HEMK2: variants seen among roughly 807,000 people sequenced by gnomAD.
HEMK2 encodes the protein methyltransferase HEMK2.
chr21:28,776,614 C>T, the HEMK2 span, among the ~76,000 whole-genome samples: 1 of 152,176 alleles, frequency 6.6e-6, no homozygotes, highest in Non-Finnish European at 1.5e-5. Flanking sequence ...CATCTGCAAG[C>T]TGAGGAGAAG....
At chr21:28,620,660 C>CTTTTTTTTTTTTTTTTTTTTTTTTTT in the HEMK2 span, among the ~76,000 whole-genome samples, 8 of 49,654 alleles carry the variant, frequency 1.6e-4, 2 homozygotes, top group East Asian at 1.5e-3. Context: ...TCTCTCTTTT[C>CTTTTTTTTTTTTTTTTTTTTTTTTTT]TTTTTTTTTT....
the HEMK2 span, among the ~76,000 whole-genome samples, chr21:28,742,358 T>C: frequency 0.23 from 34,799 of 152,160 alleles, 4,618 homozygotes; most frequent in African/African-American, 0.35. Context: ...CTCATCACTT[T>C]GCTGCCATAA....
At chr21:28,586,192 C>T in the HEMK2 span, among the ~76,000 whole-genome samples, 6 of 152,112 alleles carry the variant, frequency 3.9e-5, no homozygotes, top group Non-Finnish European at 2.9e-5. Context: ...CTTAAAAAAA[C>T]TTAAATTAGT....
At chr21:28,575,739 A>G in the HEMK2 span, among the ~76,000 whole-genome samples, 6,776 of 152,232 alleles carry the variant, frequency 0.045, 513 homozygotes, top group African/African-American at 0.15. Context: ...ATTTCCATCA[A>G]CGTAGAGTTT....
chr21:28,748,751 T>C, the HEMK2 span, among the ~76,000 whole-genome samples: 2 of 152,214 alleles, frequency 1.3e-5, no homozygotes, highest in Admixed American at 6.5e-5. Context: ...CATCTTTCCA[T>C]TGTCAGAGAG....
chr21:28,726,487 A>C, the HEMK2 span, among the ~76,000 whole-genome samples: 3 of 152,228 alleles, frequency 2.0e-5, no homozygotes, highest in Non-Finnish European at 4.4e-5. Flanking sequence ...AGCACTGAAA[A>C]GACTTGTCCA....
chr21:28,749,929 A>T, the HEMK2 span, among the ~76,000 whole-genome samples: 29,476 of 152,244 alleles, frequency 0.19, 3,569 homozygotes, highest in African/African-American at 0.34. Context: ...TTGACATGCC[A>T]AAACCACTAG....
the HEMK2 span, among the ~76,000 whole-genome samples, chr21:28,712,219 T>A: frequency 1.3e-5 from 2 of 152,158 alleles, no homozygotes; most frequent in African/African-American, 4.8e-5. Flanking sequence ...ATCTGGTTGA[T>A]AATTCCCCAC....
chr21:28,629,547 G>A, the HEMK2 span, among the ~76,000 whole-genome samples: 1 of 152,350 alleles, frequency 6.6e-6, no homozygotes, highest in South Asian at 2.1e-4. Context: ...AAATATTGGA[G>A]CTATGCAGAG....
At chr21:28,873,937 T>C in the HEMK2 span, 1 of 152,272 alleles carries the variant, frequency 6.6e-6, no homozygotes, top group African/African-American at 2.4e-5. Flanking sequence ...TAATAGCGAA[T>C]GGTGTCCTTC....
At chr21:28,740,887 G>A in the HEMK2 span, among the ~76,000 whole-genome samples, 21 of 152,068 alleles carry the variant, frequency 1.4e-4, no homozygotes, top group Middle Eastern at 3.4e-3. Flanking sequence ...CTATGGATAA[G>A]TATGTTAATA....
chr21:28,781,597 A>C, the HEMK2 span, among the ~76,000 whole-genome samples: 1 of 152,378 alleles, frequency 6.6e-6, no homozygotes, highest in African/African-American at 2.4e-5. Flanking sequence ...TTTTAAGAGA[A>C]ACCAGATACA....
the HEMK2 span, among the ~76,000 whole-genome samples, chr21:28,798,139 G>A: frequency 3.9e-5 from 6 of 152,120 alleles, no homozygotes; most frequent in African/African-American, 1.2e-4. Context: ...AGCAGCAACC[G>A]CTACTTTCAG....
the HEMK2 span, among the ~76,000 whole-genome samples, chr21:28,729,191 T>C: frequency 6.6e-6 from 1 of 152,230 alleles, no homozygotes; most frequent in African/African-American, 2.4e-5. Context: ...CGAAAGCCTG[T>C]TGTTCTCCTC....
chr21:28,605,538 T>C, the HEMK2 span, among the ~76,000 whole-genome samples: 1 of 152,162 alleles, frequency 6.6e-6, no homozygotes, highest in African/African-American at 2.4e-5. Context: ...ACTAAGTCAG[T>C]TTTTCAGCTC....
the HEMK2 span, among the ~76,000 whole-genome samples, chr21:28,650,763 C>A: frequency 1.3e-5 from 2 of 152,056 alleles, no homozygotes; most frequent in Non-Finnish European, 2.9e-5. Context: ...ATTTGGAAGT[C>A]CTCGGCATAT....
the HEMK2 span, among the ~76,000 whole-genome samples, chr21:28,844,784 G>T: frequency 8.7e-6 from 1 of 114,446 alleles, no homozygotes; most frequent in African/African-American, 4.6e-5. Context: ...ACTTTAATTT[G>T]CATTTTCCTT....
At chr21:28,788,275 T>C in the HEMK2 span, among the ~76,000 whole-genome samples, 1 of 132,618 alleles carries the variant, frequency 7.5e-6, no homozygotes, top group African/African-American at 3.7e-5. Flanking sequence ...TATTCCATCA[T>C]ATATACACAC....
the HEMK2 span, among the ~76,000 whole-genome samples, chr21:28,884,804 G>A: frequency 6.6e-6 from 1 of 152,108 alleles, no homozygotes; most frequent in Non-Finnish European, 1.5e-5. Context: ...TATGTGCTGA[G>A]TAAATCAAAT....
Sources: gnomAD v4.1 joint callset for allele counts (sites outside exome capture counted in the v4.1 genomes callset) on GRCh38, gnomAD v4.1.1 for gene constraint, MANE v1.5 for transcripts, NCBI Gene and HGNC (gene_info 2026-07-23, HGNC 2026-07-21) for gene names.